Variants in STMND1 observed in about 807,000 individuals in gnomAD.
STMND1 encodes stathmin domain containing 1, also known as stathmin domain-containing protein 1.
Under a neutral mutation model 23.0 loss-of-function variants are expected in STMND1, and 17 were observed. The ratio of observed to expected loss-of-function variants is 0.74; its 90% CI spans 0.51 to 1.11. The LOEUF is 1.11. Ranked by LOEUF, STMND1 falls within the 50% of genes least tolerant of loss-of-function variation. STMND1 has a pLI of 0.00. For synonymous variants in STMND1, 114 were observed against 119.9 expected, an observed-to-expected ratio of 0.95 and a Z score of 0.32; for missense variants, 305 against 329.1, an observed-to-expected ratio of 0.93 and a Z score of 0.57.
chr6:17,129,440 G>T (rs1761355743), intron 4 of STMND1, among the ~76,000 whole-genome samples, 197 bp downstream of exon 4: 1 of 151,380 alleles, frequency 6.6e-6, no homozygotes, highest in Non-Finnish European at 1.5e-5. Context: ...GGCATGCTCA[G>T]AGCTCACTGC....
rs140117968 is a variant in STMND1 at position 17,110,424 on chromosome 6, A to G, written c.82-4538A>G. ...GAGGGCAGAGTCCTGAGGCCCTTCA[A>G]AGACTCGGCAGGAAAGAAAAGTGCC... On this transcript the variant is annotated intron_variant, in intron 1 of 4. Coordinates refer to ENST00000536551, the MANE Select transcript of STMND1 (RefSeq NM_001190766.2). 12 of 166,694 alleles carry G rather than the reference A, an allele frequency of 7.2e-5. No individual in the cohort carries two copies. The East Asian group carries it at 1.9e-3, about 26-fold the overall frequency. 10.3% of individuals were successfully genotyped at this position (166,694 alleles called of 1,614,324 possible).
chr6:17,123,196 G>T (rs1189425833), intron 3 of STMND1, among the ~76,000 whole-genome samples: 1 of 152,114 alleles, frequency 6.6e-6, no homozygotes, highest in Non-Finnish European at 1.5e-5. Context: ...CCTTGTGAAA[G>T]AGATGCACCT....
At chr6:17,111,674 TTTA>T (rs1394878948) in intron 1 of STMND1, among the ~76,000 whole-genome samples, 1 of 152,194 alleles carries the variant, frequency 6.6e-6, no homozygotes, top group Non-Finnish European at 1.5e-5. Context: ...TGTAATTCTT[TTTA>T]TTATTTTTAA....
chr6:17,127,737 A>T (rs1049827164), intron 3 of STMND1, among the ~76,000 whole-genome samples: 1 of 152,186 alleles, frequency 6.6e-6, no homozygotes, highest in Admixed American at 6.5e-5. Flanking sequence ...ATGAATATTA[A>T]TAGCTCCTTT....
At position 17,102,275 on chromosome 6, in the gene STMND1, C is replaced by G; in HGVS notation, c.18C>G (p.Ser6=). The G allele has an allele frequency of 6.5e-7, 1 of 1,536,012 alleles. No homozygotes were observed. Among genetic ancestry groups the G allele is most frequent in the Non-Finnish European group, 8.7e-7 (1 of 1,146,838 alleles). The stretch of plus-strand genomic sequence containing the variant: ...CGCGCAGCATGGGCTGTGGACCTTC[C>G]CAACCTGCTGAAGACCGGAGACGTG... MGCGP[S]QPAEDRRRVR... Residue 6 remains serine, a synonymous_variant, in exon 1 of 5, where the codon TCC becomes TCG. Coordinates refer to ENST00000536551, the MANE Select transcript of STMND1 (RefSeq NM_001190766.2).
chr6:17,130,990 C>A lies in STMND1; in HGVS notation c.*109C>A. On this transcript the variant is annotated 3_prime_UTR_variant, in exon 5 of 5. Transcript: ENST00000536551. ...TGACCTCATTCCACTGGGATTTCTGCCTTGGGCTTAAGGATGATTGTGTGG... is the reference window on the plus strand; with the variant it reads ...TGACCTCATTCCACTGGGATTTCTGACTTGGGCTTAAGGATGATTGTGTGG... 9.1e-7 allele frequency: 1 copy of A among 1,098,168 alleles called. No individual in the cohort carries two copies. The highest frequency in any genetic ancestry group is 1.3e-6 in the Non-Finnish European group (1 of 791,914). The allele number at this position is 1,098,168 out of a possible 1,614,324, so 68.0% of individuals were successfully genotyped here.
At position 17,131,254 on chromosome 6, in the gene STMND1, C is replaced by T. The variant is rs1010221348; in HGVS notation, c.*373C>T. The stretch of plus-strand genomic sequence containing the variant: ...GTGGCGGGGTCCATCCTCTGCTGCT[C>T]CTTTAAAACAAATTGCATGGATTTG... On this transcript the variant is annotated 3_prime_UTR_variant, in exon 5 of 5. Transcript: ENST00000536551. The T allele has an allele frequency of 3.3e-5, 6 of 183,592 alleles. No homozygotes were observed. The highest frequency in any genetic ancestry group is 1.2e-4 in the Admixed American group (2 of 16,696). 11.4% of individuals were successfully genotyped at this position (183,592 alleles called of 1,614,324 possible).
rs1379435824 is a variant in STMND1 at position 17,115,183 on chromosome 6, CTG to C, written c.259+46_259+47del. ...CATTCACGTAGATCTTCACAAAATA[CTG>C]TTTCTCTAAATACGTTTACAAGGTT... On this transcript the variant is annotated intron_variant, in intron 2 of 4. Coordinates refer to ENST00000536551, the MANE Select transcript of STMND1 (RefSeq NM_001190766.2). The C allele has an allele frequency of 2.0e-6, 3 of 1,492,054 alleles. No homozygotes were observed. The African/African-American group carries it at 4.2e-5, about 21-fold the overall frequency. The allele number at this position is 1,492,054 out of a possible 1,614,324, so 92.4% of individuals were successfully genotyped here. A position where few individuals can be genotyped will look rare whatever the true frequency, so the allele number is the denominator to read the frequency against.
intron 3 of STMND1, among the ~76,000 whole-genome samples, chr6:17,126,626 A>G (rs566881182): frequency 6.6e-5 from 10 of 152,320 alleles, no homozygotes; most frequent in Admixed American, 3.3e-4. Context: ...CACCGTAGCA[A>G]GTATTTCCCT....
chr6:17,126,053 TATATATATATATA>T (rs1450428278), intron 3 of STMND1, among the ~76,000 whole-genome samples: 48 of 34,774 alleles, frequency 1.4e-3, no homozygotes, highest in East Asian at 4.5e-3. Flanking sequence ...TATATATATA[TATATATATATATA>T]TATATTTTTT....
chr6:17,117,520 T>C (rs1478524341), intron 2 of STMND1, among the ~76,000 whole-genome samples: 1 of 152,210 alleles, frequency 6.6e-6, no homozygotes, highest in African/African-American at 2.4e-5. Flanking sequence ...TCTATGGTCT[T>C]TAGTCTTCTT....
intron 1 of STMND1, among the ~76,000 whole-genome samples, chr6:17,105,235 G>C (rs887876783): frequency 6.6e-6 from 1 of 152,214 alleles, no homozygotes; most frequent in Non-Finnish European, 1.5e-5. Context: ...GGCGATGACT[G>C]TACTTATTTT....
In STMND1 at chr6:17,103,566, C is replaced by CTTTTT. The variant is rs68161737; in HGVS notation, c.81+1247_81+1251dup. ...CTGTCTCTGTATAGGGACCCATTAC[C>CTTTTT]TTTTTTTTTTTTTTTTTTTTTTTGA... is the stretch of plus-strand genomic sequence containing the variant. On this transcript the variant is annotated intron_variant, in intron 1 of 4. Transcript: ENST00000536551. Among the ~76,000 whole-genome samples the CTTTTT allele has an allele frequency of 2.7e-3, 220 of 82,112 alleles. 4 individuals are homozygous for CTTTTT. The highest frequency in any genetic ancestry group is 3.4e-3 in the Non-Finnish European group (153 of 45,292). The allele number at this position is 82,112 out of a possible 152,430, so 53.9% of individuals were successfully genotyped here. A position where few individuals can be genotyped will look rare whatever the true frequency, so the allele number is the denominator to read the frequency against.
chr6:17,124,805 C>G (rs1761275218), intron 3 of STMND1, among the ~76,000 whole-genome samples: 4 of 151,728 alleles, frequency 2.6e-5, no homozygotes, highest in Non-Finnish European at 5.9e-5. Flanking sequence ...TGAGATCACC[C>G]TGGGCAACAT....
intron 3 of STMND1, among the ~76,000 whole-genome samples, chr6:17,126,034 T>TTTTATA (rs1348334184): frequency 1.9e-4 from 8 of 42,008 alleles, no homozygotes; most frequent in African/African-American, 8.8e-4. Flanking sequence ...GATCATTGTT[T>TTTTATA]TATATATATA....
At chr6:17,105,585 C>A (rs537698104) in intron 1 of STMND1, among the ~76,000 whole-genome samples, 1 of 151,558 alleles carries the variant, frequency 6.6e-6, no homozygotes, top group Non-Finnish European at 1.5e-5. Context: ...GCGGAGATTG[C>A]GGGGTGAGCT....
At position 17,115,116 on chromosome 6, in the gene STMND1, A is replaced by G. The variant is rs1366310476; in HGVS notation, c.236A>G (p.Glu79Gly). Residue 79 changes from glutamate to glycine, a missense_variant, in exon 2 of 5, where the codon GAA becomes GGA. By Grantham distance (98) the Glu-to-Gly change is moderately conservative. Transcript: ENST00000536551. ...TCAGAAAATTCTCCATCTCCTAGTG[A>G]AAGAAACAGACGAGTAAATTCAGGT... ...TISENSPSPS[E>G]RNRRVNSDLV... is the part of the protein sequence containing the mutation. 1 of 1,535,468 alleles carries G rather than the reference A, an allele frequency of 6.5e-7. No homozygotes were observed. Among genetic ancestry groups the G allele is most frequent in the Non-Finnish European group, 8.7e-7 (1 of 1,146,690 alleles).
chr6:17,109,588 T>C (rs1174296731), intron 1 of STMND1, among the ~76,000 whole-genome samples: 1 of 152,238 alleles, frequency 6.6e-6, no homozygotes. Flanking sequence ...TAATTCATTT[T>C]TCTTAAAGAA....
intron 1 of STMND1, chr6:17,110,555 G>A: frequency 3.6e-6 from 1 of 278,928 alleles, no homozygotes; most frequent in Non-Finnish European, 7.1e-6. Context: ...AGATCACGAG[G>A]TCAAGAATTC....
Sources: gnomAD v4.1 joint callset for allele counts (sites outside exome capture counted in the v4.1 genomes callset) on GRCh38, gnomAD v4.1.1 for gene constraint, MANE v1.5 for transcripts, NCBI Gene and HGNC (gene_info 2026-07-23, HGNC 2026-07-21) for gene names.